CPNE4: variants seen among roughly 807,000 people sequenced by gnomAD.
The protein encoded by CPNE4 is copine-4.
In CPNE4, 25 loss-of-function variants were observed where a neutral mutation model predicts 67.9. That is an observed-to-expected ratio of 0.37 (90% CI 0.27 to 0.51). The LOEUF is 0.51. Among genes scored for constraint, CPNE4 ranks in the 20% least tolerant of loss-of-function variants. The pLI, the probability that CPNE4 is intolerant of heterozygous loss-of-function variation, is 0.93. For missense variants in CPNE4, 464 were observed against 690.8 expected, an observed-to-expected ratio of 0.67 and a Z score of 3.68; for synonymous variants, 242 against 244.9, an observed-to-expected ratio of 0.99 and a Z score of 0.11.
chr3:131,725,110 A>T (rs2081972629), intron 2 of CPNE4, among the ~76,000 whole-genome samples: 1 of 152,250 alleles, frequency 6.6e-6, no homozygotes, highest in Non-Finnish European at 1.5e-5. Flanking sequence ...AAAAGCATTT[A>T]TCTCACTTTC....
Position 131,876,653 on chromosome 3 carries a change from A to G in CPNE4, c.180+28611T>C, listed in dbSNP as rs112293601. Among the ~76,000 whole-genome samples, 88 of 140,768 alleles carry G rather than the reference A, an allele frequency of 6.3e-4. No individual in the cohort carries two copies. The Middle Eastern group carries it at 0.015, about 24-fold the overall frequency. 92.3% of individuals were successfully genotyped at this position (140,768 alleles called of 152,430 possible). ...CAAGACTCCGTCTCAAAAAAAAAAA[A>G]AAAGAAAGAAAGAAAGAGACATTCT... On this transcript the variant is annotated intron_variant, in intron 2 of 15. Coordinates refer to ENST00000429747, the MANE Select transcript of CPNE4 (RefSeq NM_130808.3).
intron 7 of CPNE4, among the ~76,000 whole-genome samples, chr3:131,592,105 C>T (rs1268925122): frequency 6.6e-6 from 1 of 152,200 alleles, no homozygotes; most frequent in Non-Finnish European, 1.5e-5. Flanking sequence ...TGCCAGTTCA[C>T]CCAGTACAGA....
intron 1 of CPNE4, among the ~76,000 whole-genome samples, chr3:131,932,359 T>A (rs2071087672): frequency 6.6e-6 from 1 of 152,124 alleles, no homozygotes; most frequent in Non-Finnish European, 1.5e-5. Flanking sequence ...TCCTTTTCAA[T>A]CATCCAGTCA....
intron 1 of CPNE4, among the ~76,000 whole-genome samples, chr3:132,022,451 C>G (rs146346090): frequency 1.3e-5 from 2 of 152,246 alleles, no homozygotes; most frequent in East Asian, 1.9e-4. Flanking sequence ...AGCACAGATT[C>G]CTGCTTGATG....
chr3:131,823,655 A>T (rs1407126726), intron 2 of CPNE4, among the ~76,000 whole-genome samples: 1 of 152,222 alleles, frequency 6.6e-6, no homozygotes, highest in African/African-American at 2.4e-5. Flanking sequence ...GCAAAGTCAC[A>T]TTGCAACCAC....
chr3:131,781,070 T>C (rs2083421971), intron 2 of CPNE4, among the ~76,000 whole-genome samples: 1 of 151,926 alleles, frequency 6.6e-6, no homozygotes, highest in Non-Finnish European at 1.5e-5. Flanking sequence ...CCTGGCTAAA[T>C]GTTTTAATGA....
intron 1 of CPNE4, among the ~76,000 whole-genome samples, chr3:131,984,164 C>T (rs2072982836): frequency 6.6e-6 from 1 of 152,140 alleles, no homozygotes; most frequent in Non-Finnish European, 1.5e-5. Flanking sequence ...TAGATTTTTA[C>T]TCCTTTAAGA....
chr3:131,978,889 T>C (rs1300735309), intron 1 of CPNE4, among the ~76,000 whole-genome samples: 1 of 151,894 alleles, frequency 6.6e-6, no homozygotes, highest in African/African-American at 2.4e-5. Flanking sequence ...TGACAGATTG[T>C]CATTATTGTT....
At chr3:131,688,534 C>T (rs982548833) in intron 5 of CPNE4, among the ~76,000 whole-genome samples, 7 of 152,180 alleles carry the variant, frequency 4.6e-5, no homozygotes, top group Non-Finnish European at 1.0e-4. Flanking sequence ...ATGTGGGCTA[C>T]AGTAGCTTGT....
intron 2 of CPNE4, among the ~76,000 whole-genome samples, chr3:131,826,789 T>A (rs1360956637): frequency 1.3e-5 from 2 of 152,216 alleles, no homozygotes; most frequent in Non-Finnish European, 2.9e-5. Context: ...ACCAACATTT[T>A]GGTAGGCTGA....
intron 1 of CPNE4, among the ~76,000 whole-genome samples, chr3:131,907,574 A>G (rs1445524459): frequency 6.6e-6 from 1 of 152,040 alleles, no homozygotes; most frequent in Non-Finnish European, 1.5e-5. Flanking sequence ...TCATTTATGT[A>G]TTTATGTATT....
At chr3:131,939,620 A>G (rs777493560) in intron 1 of CPNE4, among the ~76,000 whole-genome samples, 73 of 152,078 alleles carry the variant, frequency 4.8e-4, no homozygotes, top group Non-Finnish European at 7.4e-4. Context: ...TACACTTAAC[A>G]CTCTCAAAAC....
intron 2 of CPNE4, among the ~76,000 whole-genome samples, chr3:131,801,452 G>GTGTGTGTATATA (rs761978890): frequency 3.0e-4 from 16 of 53,342 alleles, no homozygotes; most frequent in East Asian, 5.3e-4. Flanking sequence ...GTGTGTGTGT[G>GTGTGTGTATATA]TATATATATA....
intron 2 of CPNE4, among the ~76,000 whole-genome samples, chr3:131,768,086 C>T (rs2083068253): frequency 6.6e-6 from 1 of 152,070 alleles, no homozygotes; most frequent in African/African-American, 2.4e-5. Flanking sequence ...TGTAATCAGG[C>T]TTAGACAGTT....
chr3:131,901,741 TG>T (rs2107766759), intron 2 of CPNE4, among the ~76,000 whole-genome samples: 1 of 152,212 alleles, frequency 6.6e-6, no homozygotes, highest in South Asian at 2.1e-4. Context: ...TGTTTGGTTC[TG>T]GGACTACCAT....
At chr3:131,878,191 C>A (rs1251907721) in intron 2 of CPNE4, among the ~76,000 whole-genome samples, 1 of 152,124 alleles carries the variant, frequency 6.6e-6, no homozygotes, top group African/African-American at 2.4e-5. Flanking sequence ...CAGAATAATT[C>A]TTAATAGCCC....
intron 1 of CPNE4, among the ~76,000 whole-genome samples, chr3:132,013,322 T>C (rs545449010): frequency 1.4e-5 from 2 of 145,046 alleles, no homozygotes; most frequent in South Asian, 4.1e-4. Context: ...TTTGTTTTTG[T>C]TGTTGTTGTT....
chr3:131,787,830 A>G (rs1222888128), intron 2 of CPNE4, among the ~76,000 whole-genome samples: 1 of 152,156 alleles, frequency 6.6e-6, no homozygotes, highest in Non-Finnish European at 1.5e-5. Flanking sequence ...TGAAGACCGT[A>G]CAGGACATAT....
At chr3:131,952,992 T>C (rs1227301851) in intron 1 of CPNE4, among the ~76,000 whole-genome samples, 2 of 151,910 alleles carry the variant, frequency 1.3e-5, no homozygotes, top group African/African-American at 2.4e-5. Context: ...CAGGGTTAAA[T>C]GGATTAAGGG....
Sources: gnomAD v4.1 joint callset for allele counts (sites outside exome capture counted in the v4.1 genomes callset) on GRCh38, gnomAD v4.1.1 for gene constraint, MANE v1.5 for transcripts, NCBI Gene and HGNC (gene_info 2026-07-23, HGNC 2026-07-21) for gene names.